The following ATG16L2 variants were observed in gnomAD, a reference collection of about 807,000 sequenced individuals.
ATG16L2 encodes the protein protein Atg16l2.
In ATG16L2, 77 loss-of-function variants were observed where a neutral mutation model predicts 84.7. The ratio of observed to expected loss-of-function variants is 0.91; its 90% CI spans 0.76 to 1.10. ATG16L2 has a LOEUF of 1.10. Among genes scored for constraint, ATG16L2 ranks in the 50% least tolerant of loss-of-function variants. The pLI is 0.00. For missense variants in ATG16L2, 782 were observed against 817.6 expected (o/e 0.96, Z 0.53); for synonymous variants, 361 against 342.8 (o/e 1.05, Z -0.59).
In ATG16L2 at chr11:72,822,730, T is replaced by C; in HGVS notation, c.711-118T>C. On this transcript the variant is annotated intron_variant, in intron 6 of 17. Transcript: ENST00000321297. The surrounding 1 kb of genome is among the most constrained non-coding windows in gnomAD (Gnocchi z 4.2). ...AGCCTGCATGCGTGACCGCTGCACG[T>C]GTACACCCACACAGAACCCTCATCA... 9.8e-7 allele frequency: 1 copy of C among 1,021,760 alleles called. No individual in the cohort carries two copies. The highest frequency in any genetic ancestry group is 1.6e-5 in the South Asian group (1 of 63,588). The allele number at this position is 1,021,760 out of a possible 1,614,324, so 63.3% of individuals were successfully genotyped here. A position where few individuals can be genotyped will look rare whatever the true frequency, so the allele number is the denominator to read the frequency against.
chr11:72,842,766 A>G, exon 6 of ATG16L2: 1 of 1,613,968 alleles, frequency 6.2e-7, no homozygotes, highest in Non-Finnish European at 8.5e-7. Flanking sequence ...CAAGATACGG[A>G]TTATTGCTCC....
rs1205674033 is a variant in ATG16L2, at chr11:72,826,237, C to T, written c.1167C>T (p.Asp389=). Residue 389 remains aspartate (D), a synonymous_variant, in exon 11 of 18, where the codon GAC becomes GAT. Transcript: ENST00000321297. Reference sequence around the variant, plus strand: ...GCAGCATCACCAGTGTGGACTTTGACCCCTCGGTGAGGAACTCTGCCCCAG... The same window carrying T: ...GCAGCATCACCAGTGTGGACTTTGATCCCTCGGTGAGGAACTCTGCCCCAG... ...AGGSITSVDF[D]PSGYQVLAAT... 6.2e-7 allele frequency: 1 copy of T among 1,613,870 alleles called. No individual in the cohort carries two copies. The highest frequency in any genetic ancestry group is 8.5e-7 in the Non-Finnish European group (1 of 1,179,886).
rs1311815640 is a variant in ATG16L2, at chr11:72,822,039, T to C, written c.393-5T>C. 1 of 1,499,062 alleles carries C rather than the reference T, an allele frequency of 6.7e-7. No individual in the cohort carries two copies. Among genetic ancestry groups the C allele is most frequent in the East Asian group, 2.4e-5 (1 of 41,098 alleles). 92.9% of individuals were successfully genotyped at this position (1,499,062 alleles called of 1,614,324 possible). ...GACCCGCTATCCGCTCTTTCCGTCC[T>C]CCAGGCTGGCAGCCCTGGAGGCCCG... On this transcript the variant is annotated splice_polypyrimidine_tract_variant and splice_region_variant and intron_variant, in intron 4 of 17. Transcript: ENST00000321297. The surrounding 1 kb of genome is among the most constrained non-coding windows in gnomAD (Gnocchi z 4.2).
chr11:72,826,025 C>T, intron 10 of ATG16L2, 148 bp from the exon 11 acceptor site: 1 of 651,296 alleles, frequency 1.5e-6, no homozygotes, highest in East Asian at 2.8e-5. Flanking sequence ...CAGCCCAGGC[C>T]CGCAGAACAG....
intron 4 of ATG16L2, 44 bp from the exon 5 acceptor site, chr11:72,822,000 C>T: frequency 6.8e-7 from 1 of 1,465,802 alleles, no homozygotes; most frequent in South Asian, 1.4e-5. Context: ...TGGGCAGTGA[C>T]GGGGGAAGCT....
chr11:72,819,912 A>AT (rs1859889860), intron 3 of ATG16L2, among the ~76,000 whole-genome samples: 2 of 151,818 alleles, frequency 1.3e-5, no homozygotes, highest in South Asian at 2.1e-4. Context: ...TGCCCGGCTA[A>AT]TTTTTTGTAT....
Position 72,821,748 on chromosome 11 carries a change from C to T in ATG16L2, c.392+7C>T. On this transcript the variant is annotated splice_region_variant and intron_variant, in intron 4 of 17. Transcript: ENST00000321297. ...TGCAGCAGAGGCAAAGCAGGTGAGG[C>T]GCGGGCGGGGGCGGGAGGGACCGCG... 6.5e-7 allele frequency: 1 copy of T among 1,531,882 alleles called. No individual in the cohort carries two copies. The allele number at this position is 1,531,882 out of a possible 1,614,324, so 94.9% of individuals were successfully genotyped here. A position where few individuals can be genotyped will look rare whatever the true frequency, so the allele number is the denominator to read the frequency against.
Position 72,822,392 on chromosome 11 carries a change from C to G in ATG16L2, c.645-86C>G. 3.1e-6 allele frequency: 5 copies of G among 1,592,336 alleles called. No homozygotes were observed. Among genetic ancestry groups the G allele is most frequent in the Non-Finnish European group, 4.3e-6 (5 of 1,169,324 alleles). On this transcript the variant is annotated intron_variant, in intron 5 of 17. Transcript: ENST00000321297. This position sits in a 1 kb window ranked among gnomAD's most constrained non-coding sequence, Gnocchi z 4.2. ...GTCTGGAAGGGAGGGGGGCAGCAGC[C>G]GCCCCCTGGAGGAAGGGACCGGGTC...
At chr11:72,838,858 G>T (rs779305377) in intron 5 of ATG16L2, 24 of 1,607,490 alleles carry the variant, frequency 1.5e-5, no homozygotes, top group Non-Finnish European at 2.0e-5. Context: ...TGTAGGTGGA[G>T]GGGGAGCTGC....
In ATG16L2 at chr11:72,840,379, T is replaced by G. The variant is rs986159993; in HGVS notation, c.*22-2238T>G. On this transcript the variant is annotated intron_variant, in intron 5 of 5. Transcript: ENST00000534905. ...TATCCGACTGGATTACCGTGCAAGTTATGACCTTGGAGTACAGTGGTGGGT... is the reference window on the plus strand; with the variant it reads ...TATCCGACTGGATTACCGTGCAAGTGATGACCTTGGAGTACAGTGGTGGGT... Among the ~76,000 whole-genome samples, 8 of 152,206 alleles carry G rather than the reference T, an allele frequency of 5.3e-5. No homozygotes were observed. The East Asian group carries it at 1.5e-3, about 29-fold the overall frequency.
At chr11:72,834,859 A>G (rs1201712426) in intron 5 of ATG16L2, among the ~76,000 whole-genome samples, 2 of 151,702 alleles carry the variant, frequency 1.3e-5, no homozygotes, top group Admixed American at 6.6e-5. Context: ...TGCTGGGATT[A>G]CAGGCGTAAG....
intron 5 of ATG16L2, among the ~76,000 whole-genome samples, chr11:72,836,266 G>A (rs1350189462): frequency 2.0e-5 from 3 of 152,158 alleles, no homozygotes; most frequent in Non-Finnish European, 2.9e-5. Flanking sequence ...CCCTGGGACC[G>A]AGAAAATCTC....
intron 3 of ATG16L2, among the ~76,000 whole-genome samples, chr11:72,819,785 G>A (rs1405174983): frequency 6.6e-6 from 1 of 150,630 alleles, no homozygotes; most frequent in Non-Finnish European, 1.5e-5. Flanking sequence ...TCACTCTGTT[G>A]CCCAGGCTGG....
chr11:72,825,192 C>G lies in ATG16L2; in HGVS notation c.997-110C>G, dbSNP rs193273361. The G allele has an allele frequency of 4.1e-4, 325 of 801,094 alleles. 1 individual carries two copies. The highest frequency in any genetic ancestry group is 2.2e-3 in the East Asian group (86 of 38,348). 49.6% of individuals were successfully genotyped at this position (801,094 alleles called of 1,614,324 possible). The stretch of plus-strand genomic sequence containing the variant: ...GACAGAGAAACTGGGGAGGGAGATA[C>G]CACGTCTGCAGCAGGCTGTGTCTGC... On this transcript the variant is annotated intron_variant, in intron 9 of 17. Transcript: ENST00000321297.
rs1860052144 is a variant in ATG16L2, at chr11:72,822,317, CT to C, written c.644+23del. On this transcript the variant is annotated intron_variant, in intron 5 of 17. Coordinates refer to ENST00000321297, the MANE Select transcript of ATG16L2 (RefSeq NM_033388.2). This position sits in a 1 kb window ranked among gnomAD's most constrained non-coding sequence, Gnocchi z 4.2. ...AGCGGTGAGGGAGCAGGCCCCGCCCCTCCTGAGGAAAGGCCCCGCCCCTGCA... is the reference window on the plus strand; with the variant it reads ...AGCGGTGAGGGAGCAGGCCCCGCCCCCCTGAGGAAAGGCCCCGCCCCTGCA... 2.6e-6 allele frequency: 4 copies of C among 1,523,340 alleles called. No individual in the cohort carries two copies. The highest frequency in any genetic ancestry group is 2.6e-6 in the Non-Finnish European group (3 of 1,141,042). 94.4% of individuals were successfully genotyped at this position (1,523,340 alleles called of 1,614,324 possible).
chr11:72,836,462 T>C (rs1225912087), intron 5 of ATG16L2, among the ~76,000 whole-genome samples: 4 of 152,220 alleles, frequency 2.6e-5, no homozygotes, highest in African/African-American at 9.6e-5. Context: ...GCCCCTCCCT[T>C]CTAGCACATG....
In ATG16L2 at chr11:72,829,592, TCTC is replaced by T. The variant is rs1860559289; in HGVS notation, c.*206_*208del. ...GTTTTTCTTTGTATTTTTATCTCTATCTCCTCACTTTTTCTCCCAAAGTAGAAA... is the reference window on the plus strand; with the variant it reads ...GTTTTTCTTTGTATTTTTATCTCTATCTCACTTTTTCTCCCAAAGTAGAAA... On this transcript the variant is annotated 3_prime_UTR_variant, in exon 18 of 18. Transcript: ENST00000321297. 1 of 1,377,960 alleles carries T rather than the reference TCTC, an allele frequency of 7.3e-7. No homozygotes were observed. The highest frequency in any genetic ancestry group is 9.4e-7 in the Non-Finnish European group (1 of 1,066,306). 85.4% of individuals were successfully genotyped at this position (1,377,960 alleles called of 1,614,324 possible).
exon 6 of ATG16L2, chr11:72,843,540 G>A: frequency 6.2e-7 from 1 of 1,608,954 alleles, no homozygotes; most frequent in African/African-American, 1.3e-5. Context: ...AGCCTGCAGT[G>A]TAGGATGGTC....
At chr11:72,843,726 A>G (rs982489464), downstream of ATG16L2, 4 of 565,524 alleles carry the variant, frequency 7.1e-6, no homozygotes, top group Non-Finnish European at 6.2e-6. Flanking sequence ...GAATAAAACC[A>G]TAACAAAAAC....
Sources: gnomAD v4.1 joint callset for allele counts (sites outside exome capture counted in the v4.1 genomes callset) on GRCh38, gnomAD v4.1.1 for gene constraint, Gnocchi (gnomAD v3.1) non-coding constraint, MANE v1.5 for transcripts, NCBI Gene and HGNC (gene_info 2026-07-23, HGNC 2026-07-21) for gene names.